GABRG3: variants seen among roughly 807,000 people sequenced by gnomAD.
The protein encoded by GABRG3 is gamma-aminobutyric acid receptor subunit gamma-3.
A neutral mutation model predicts 48.8 loss-of-function variants in GABRG3; 25 were observed. The ratio of observed to expected loss-of-function variants is 0.51; its 90% CI spans 0.37 to 0.72. GABRG3 has a LOEUF of 0.72. GABRG3 is among the 30% of genes least tolerant of loss of function. GABRG3 has a pLI of 0.00. For missense variants in GABRG3, 394 were observed against 577.9 expected (o/e 0.68, Z 3.26); for synonymous variants, 227 against 217.6 (o/e 1.04, Z -0.38).
intron 3 of GABRG3, among the ~76,000 whole-genome samples, chr15:27,129,376 C>T (rs1467437829): frequency 6.6e-6 from 1 of 152,140 alleles, no homozygotes; most frequent in African/African-American, 2.4e-5. Context: ...CATGTCTTAG[C>T]ATTTCCTTCC....
rs1891316848 is a variant in GABRG3, at chr15:27,527,834, G to A, written c.1063-99G>A. 4 of 1,053,554 alleles carry A rather than the reference G, an allele frequency of 3.8e-6. No individual in the cohort carries two copies. The East Asian group carries it at 1.0e-4, about 27-fold the overall frequency. The allele number at this position is 1,053,554 out of a possible 1,614,324, so 65.3% of individuals were successfully genotyped here. On this transcript the variant is annotated intron_variant, in intron 8 of 9. Transcript: ENST00000615808. ...CTCTGGTGTCACCTACCGGTGACGT[G>A]GCTTGGTTTAGTCATACCCTAAAGA... is the stretch of plus-strand genomic sequence containing the variant.
chr15:27,067,652 C>T (rs1363044793), intron 3 of GABRG3, among the ~76,000 whole-genome samples: 1 of 152,208 alleles, frequency 6.6e-6, no homozygotes, highest in Non-Finnish European at 1.5e-5. Flanking sequence ...TTTCCTGACT[C>T]ATCCCATTTC....
chr15:27,101,944 CA>C lies in GABRG3; in HGVS notation c.270+75124del, dbSNP rs568388921. Among the ~76,000 whole-genome samples the C allele has an allele frequency of 1.4e-3, 215 of 152,076 alleles. 1 individual carries two copies. Among genetic ancestry groups the C allele is most frequent in the African/African-American group, 4.9e-3 (205 of 41,458 alleles). On this transcript the variant is annotated intron_variant, in intron 3 of 9. Transcript: ENST00000615808. ...CTGCATTCAAAGCCATCCTGGGCTGCACGTGGCCTATGGGCCACCAGTTGGA... is the reference window on the plus strand; with the variant it reads ...CTGCATTCAAAGCCATCCTGGGCTGCCGTGGCCTATGGGCCACCAGTTGGA...
In GABRG3 at chr15:27,017,575, C is replaced by T. The variant is rs769505688; in HGVS notation, c.203-9179C>T. Reference sequence around the variant, plus strand: ...TCACTTGGGCAGCCCCACAAAAAGTCGGAATGTTGAAAATATCCTACTCTT... The same window carrying T: ...TCACTTGGGCAGCCCCACAAAAAGTTGGAATGTTGAAAATATCCTACTCTT... On this transcript the variant is annotated intron_variant, in intron 2 of 9. Transcript: ENST00000615808. Among the ~76,000 whole-genome samples the T allele has an allele frequency of 9.2e-5, 14 of 151,968 alleles. 1 individual carries two copies. Among genetic ancestry groups the T allele is most frequent in the South Asian group, 8.3e-4 (4 of 4,826 alleles).
chr15:27,204,329 G>C (rs1888786750), intron 3 of GABRG3, among the ~76,000 whole-genome samples: 1 of 152,066 alleles, frequency 6.6e-6, no homozygotes, highest in Non-Finnish European at 1.5e-5. Context: ...GCTTGTTATT[G>C]TCAGCTTTGT....
chr15:27,464,954 A>T (rs1014218462), intron 5 of GABRG3, among the ~76,000 whole-genome samples: 2 of 152,190 alleles, frequency 1.3e-5, no homozygotes, highest in African/African-American at 2.4e-5. Flanking sequence ...GTGGATTATT[A>T]AAATTGTACA....
At chr15:27,211,332 A>G (rs1384332467) in intron 3 of GABRG3, among the ~76,000 whole-genome samples, 1 of 152,220 alleles carries the variant, frequency 6.6e-6, no homozygotes, top group Non-Finnish European at 1.5e-5. Context: ...ACCATTTACA[A>G]TGGAATCAAC....
chr15:27,307,712 T>TATAGGTTTATATATAAATATATAATC, intron 3 of GABRG3, among the ~76,000 whole-genome samples: 4 of 126,672 alleles, frequency 3.2e-5, no homozygotes, highest in Non-Finnish European at 4.8e-5. Context: ...TATATAAACC[T>TATAGGTTTATATATAAATATATAATC]ATAGGTTTAT....
At chr15:27,122,821 C>T (rs1897754669) in intron 3 of GABRG3, among the ~76,000 whole-genome samples, 1 of 152,140 alleles carries the variant, frequency 6.6e-6, no homozygotes, top group Non-Finnish European at 1.5e-5. Context: ...AGTAAAGCAG[C>T]GGAGACCCCC....
intron 2 of GABRG3, among the ~76,000 whole-genome samples, chr15:26,991,753 C>T (rs1222509197): frequency 6.6e-6 from 1 of 151,852 alleles, no homozygotes; most frequent in African/African-American, 2.4e-5. Context: ...CGGAGTCTTG[C>T]TCTTTCACCC....
At chr15:26,978,937 C>G (rs1295815977) in intron 2 of GABRG3, among the ~76,000 whole-genome samples, 1 of 152,178 alleles carries the variant, frequency 6.6e-6, no homozygotes, top group Non-Finnish European at 1.5e-5. Context: ...GGCATCTCTA[C>G]TATGTTGCAT....
chr15:27,378,540 A>G (rs990352886), intron 5 of GABRG3, among the ~76,000 whole-genome samples: 2 of 152,226 alleles, frequency 1.3e-5, no homozygotes, highest in African/African-American at 4.8e-5. Context: ...TTATAACTGT[A>G]TGATCCAGGT....
At chr15:27,240,871 T>A (rs962356389) in intron 3 of GABRG3, among the ~76,000 whole-genome samples, 2 of 152,218 alleles carry the variant, frequency 1.3e-5, no homozygotes, top group African/African-American at 4.8e-5. Context: ...AGGATCATGA[T>A]GTTTGTTTTT....
At chr15:27,062,454 A>AAAAAAAAAAAAAAAAAAAAAAAAAG (rs1896665531) in intron 3 of GABRG3, among the ~76,000 whole-genome samples, 1 of 142,372 alleles carries the variant, frequency 7.0e-6, no homozygotes, top group Admixed American at 7.3e-5. Flanking sequence ...AAAAAAAAAA[A>AAAAAAAAAAAAAAAAAAAAAAAAAG]AAAATTAGCC....
At chr15:27,161,153 G>C (rs758442887) in intron 3 of GABRG3, 1 of 152,060 alleles carries the variant, frequency 6.6e-6, no homozygotes. Flanking sequence ...TTAGAGATAC[G>C]TGGAACCTCC....
In GABRG3 at chr15:27,444,016, G is replaced by A. The variant is rs572211468; in HGVS notation, c.575-36634G>A. 4.2e-3 allele frequency among the ~76,000 whole-genome samples: 644 copies of A among 152,094 alleles called. 1 individual carries two copies. The highest frequency in any genetic ancestry group is 7.2e-3 in the Non-Finnish European group (492 of 67,972). On this transcript the variant is annotated intron_variant, in intron 5 of 9. Coordinates refer to ENST00000615808, the MANE Select transcript of GABRG3 (RefSeq NM_033223.5). ...ATTGCTATCATTTATTGCTAGATTC[G>A]GATAGTTAATATTTTGTTGAAGTGT... is the stretch of plus-strand genomic sequence containing the variant.
chr15:27,384,095 T>C (rs1347099755), intron 5 of GABRG3, among the ~76,000 whole-genome samples: 1 of 152,234 alleles, frequency 6.6e-6, no homozygotes, highest in African/African-American at 2.4e-5. Flanking sequence ...TGGGAAGTGT[T>C]TAATTTTACT....
chr15:27,532,463 G>A, intron 9 of GABRG3, 137 bp from the exon 10 acceptor site: 2 of 537,562 alleles, frequency 3.7e-6, no homozygotes, highest in Non-Finnish European at 5.8e-6. Context: ...ACTCTCTCCA[G>A]CATGGGGGGA....
At chr15:27,152,437 A>C (rs1898334286) in intron 3 of GABRG3, among the ~76,000 whole-genome samples, 1 of 152,242 alleles carries the variant, frequency 6.6e-6, no homozygotes, top group Non-Finnish European at 1.5e-5. Context: ...ACTTTTTAAA[A>C]ATTTTAAAAA....
Sources: allele counts gnomAD v4.1 joint callset (sites outside exome capture counted in the v4.1 genomes callset), GRCh38; gene constraint gnomAD v4.1.1; transcripts MANE v1.5; gene names NCBI Gene and HGNC (gene_info 2026-07-23, HGNC 2026-07-21).